Variants in OR2M2 observed in about 807,000 individuals in gnomAD.
OR2M2 encodes the protein olfactory receptor 2M2.
For synonymous variants in OR2M2, 168 were observed against 151.7 expected, an observed-to-expected ratio of 1.11 and a Z score of -0.79; for missense variants, 467 against 429.9, an observed-to-expected ratio of 1.09 and a Z score of -0.76.
intron 1 of OR2M2, among the ~76,000 whole-genome samples, chr1:248,175,219 T>G (rs2103005497): frequency 6.6e-6 from 1 of 152,266 alleles, no homozygotes; most frequent in African/African-American, 2.4e-5. Context: ...TGAACATTTT[T>G]ACCACATTCT....
At position 248,180,909 on chromosome 1, in the gene OR2M2, C is replaced by T. The variant is rs773595549; in HGVS notation, c.924C>T (p.Gly308=). Residue 308 remains glycine, a synonymous_variant, in exon 2 of 2, where the codon GGC becomes GGT. Coordinates refer to ENST00000641836, the MANE Select transcript of OR2M2 (RefSeq NM_001004688.2). ...CATTCATGAAGATCTTAGGAAAGGG[C>T]AAGTCTGAGAGTGAGTTACCTCATA... The part of the protein sequence containing the change: ...TRAFMKILGK[G]KSESELPHKL... 16 of 1,613,976 alleles carry T rather than the reference C, an allele frequency of 9.9e-6. No homozygotes were observed. The Admixed American group carries it at 2.7e-4, about 27-fold the overall frequency.
At position 248,180,498 on chromosome 1, in the gene OR2M2, T is replaced by G. The variant is rs1328024413; in HGVS notation, c.513T>G (p.Ser171=). The G allele has an allele frequency of 1.2e-6, 2 of 1,613,852 alleles. No individual in the cohort carries two copies. Among genetic ancestry groups the G allele is most frequent in the Non-Finnish European group, 1.7e-6 (2 of 1,179,874 alleles). ...CATTTTCCTTCTCCTTTTGTGGGTC[T>G]CGGGAAATAGCCCACTTCTTCTGTG... is the stretch of plus-strand genomic sequence containing the variant. The part of the protein sequence containing the change: ...VATFSFSFCG[S]REIAHFFCEF... The change falls in exon 2 of 2, where the codon TCT becomes TCG. Residue 171 remains serine, a synonymous_variant. Transcript: ENST00000641836.
At chr1:248,176,063 C>T (rs1360291862) in intron 1 of OR2M2, among the ~76,000 whole-genome samples, 6 of 152,056 alleles carry the variant, frequency 3.9e-5, no homozygotes, top group African/African-American at 1.4e-4. Flanking sequence ...TTTTTTGTTT[C>T]CTGATCATTT....
rs190773025 is a variant in OR2M2 at position 248,175,991 on chromosome 1, G to A, written c.-19+1120G>A. On this transcript the variant is annotated intron_variant, in intron 1 of 1. Transcript: ENST00000641836. ...AATTCCATTGTCAGTGCACATGCAG[G>A]TTGCCTTTTTATATTACAAGTAATG... 2.6e-5 allele frequency among the ~76,000 whole-genome samples: 4 copies of A among 152,112 alleles called. No individual in the cohort carries two copies. In the East Asian group the frequency reaches 7.7e-4, roughly 29 times the overall value.
chr1:248,179,969 T>TA lies in OR2M2; in HGVS notation c.-12dup, dbSNP rs779999518. The TA allele has an allele frequency of 1.1e-5, 17 of 1,597,864 alleles. No individual in the cohort carries two copies. The highest frequency in any genetic ancestry group is 3.4e-5 in the Admixed American group (2 of 58,812). On this transcript the variant is annotated splice_region_variant and 5_prime_UTR_variant, in exon 2 of 2. Transcript: ENST00000641836. ...AATAAGATGGTTTTGTGGTACTAGGTAAAAAGCACATTCATCATGGCATGG... is the reference window on the plus strand; with the variant it reads ...AATAAGATGGTTTTGTGGTACTAGGTAAAAAAGCACATTCATCATGGCATGG...
chr1:248,178,326 G>A (rs1665878279), intron 1 of OR2M2, among the ~76,000 whole-genome samples: 1 of 151,922 alleles, frequency 6.6e-6, no homozygotes, highest in Admixed American at 6.6e-5. Flanking sequence ...CTACTCACTA[G>A]GCATATCTTT....
In OR2M2 at chr1:248,180,519, C is replaced by T; in HGVS notation, c.534C>T (p.Phe178=). 1 of 1,613,882 alleles carries T rather than the reference C, an allele frequency of 6.2e-7. No individual in the cohort carries two copies. Among genetic ancestry groups the T allele is most frequent in the Non-Finnish European group, 8.5e-7 (1 of 1,179,830 alleles). Residue 178 remains phenylalanine (F), a synonymous_variant, in exon 2 of 2, where the codon TTC becomes TTT. Transcript: ENST00000641836. The part of the protein sequence containing the change: ...FCGSREIAHF[F]CEFPSLLILS... ...GGTCTCGGGAAATAGCCCACTTCTTCTGTGAATTCCCTTCCCTACTAATCC... is the reference window on the plus strand; with the variant it reads ...GGTCTCGGGAAATAGCCCACTTCTTTTGTGAATTCCCTTCCCTACTAATCC...
In OR2M2 at chr1:248,179,983, A is replaced by G. The variant is rs766881231; in HGVS notation, c.-3A>G. The G allele has an allele frequency of 6.2e-7, 1 of 1,607,212 alleles. No homozygotes were observed. The highest frequency in any genetic ancestry group is 1.7e-5 in the Admixed American group (1 of 59,598). On this transcript the variant is annotated 5_prime_UTR_variant, in exon 2 of 2. Coordinates refer to ENST00000641836, the MANE Select transcript of OR2M2 (RefSeq NM_001004688.2). ...GTGGTACTAGGTAAAAAGCACATTCATCATGGCATGGGAGAATCAGACCTT... is the reference window on the plus strand; with the variant it reads ...GTGGTACTAGGTAAAAAGCACATTCGTCATGGCATGGGAGAATCAGACCTT...
chr1:248,180,355 A>G lies in OR2M2; in HGVS notation c.370A>G (p.Ile124Val). Residue 124 changes from isoleucine (I) to valine (V), a missense_variant, in exon 2 of 2, where the codon ATT becomes GTT. Physicochemically the swap from Ile to Val is conservative, Grantham distance 29 (BLOSUM62 3). Transcript: ENST00000641836. ...GGCTGTTATGGCTTATGACCGCTAT[A>G]TTGCTATTTGCCACCCTCTAAGATA... ...LLAVMAYDRY[I>V]AICHPLRYTN... 2 of 1,614,026 alleles carry G rather than the reference A, an allele frequency of 1.2e-6. No homozygotes were observed. The highest frequency in any genetic ancestry group is 8.5e-7 in the Non-Finnish European group (1 of 1,179,986).
chr1:248,180,700 A>C lies in OR2M2; in HGVS notation c.715A>C (p.Thr239Pro). 1 of 1,612,834 alleles carries C rather than the reference A, an allele frequency of 6.2e-7. No homozygotes were observed. Among genetic ancestry groups the C allele is most frequent in the Admixed American group, 1.7e-5 (1 of 60,014 alleles). ...TGGAGAGGGTCGTTGCAAAGCTTTCACGACCTGTTCCTCTCACCTCATGGT... is the reference window on the plus strand; with the variant it reads ...TGGAGAGGGTCGTTGCAAAGCTTTCCCGACCTGTTCCTCTCACCTCATGGT... ...GSGEGRCKAF[T>P]TCSSHLMVVG... is the part of the protein sequence containing the mutation. The change falls in exon 2 of 2, where the codon ACG becomes CCG. Residue 239 changes from threonine to proline, a missense_variant. Transcript: ENST00000641836.
In OR2M2 at chr1:248,180,111, C is replaced by A; in HGVS notation, c.126C>A (p.Asn42Lys). ...TCTTTTTAGTGGCCTTCATGGGAAA[C>A]TCTGTCATGGTTCTCCTCATCTACC... ...LGIFLVAFMG[N>K]SVMVLLIYLD... Residue 42 changes from asparagine (N) to lysine (K), a missense_variant, in exon 2 of 2, where the codon AAC becomes AAA. Coordinates refer to ENST00000641836, the MANE Select transcript of OR2M2 (RefSeq NM_001004688.2). 1.2e-6 allele frequency: 2 copies of A among 1,614,042 alleles called. No homozygotes were observed. Among genetic ancestry groups the A allele is most frequent in the Non-Finnish European group, 8.5e-7 (1 of 1,180,008 alleles).
At position 248,180,186 on chromosome 1, in the gene OR2M2, C is replaced by A. The variant is rs940130237; in HGVS notation, c.201C>A (p.Ser67=). The change falls in exon 2 of 2, where the codon TCC becomes TCA. Residue 67 remains serine (S), a synonymous_variant. Coordinates refer to ENST00000641836, the MANE Select transcript of OR2M2 (RefSeq NM_001004688.2). Reference sequence around the variant, plus strand: ...TGTACTTCCTCCTCAGCCAACTGTCCCTCATGGACCTCATGCTCATCTGCA... The same window carrying A: ...TGTACTTCCTCCTCAGCCAACTGTCACTCATGGACCTCATGCTCATCTGCA... ...TPMYFLLSQL[S]LMDLMLICTT... 1 of 1,614,106 alleles carries A rather than the reference C, an allele frequency of 6.2e-7. No individual in the cohort carries two copies. The highest frequency in any genetic ancestry group is 8.5e-7 in the Non-Finnish European group (1 of 1,180,018).
rs760324022 is a variant in OR2M2, at chr1:248,180,411, A to T, written c.426A>T (p.Gly142=). The change falls in exon 2 of 2, where the codon GGA becomes GGT. Residue 142 remains glycine, a synonymous_variant. Coordinates refer to ENST00000641836, the MANE Select transcript of OR2M2 (RefSeq NM_001004688.2). The stretch of plus-strand genomic sequence containing the variant: ...ATCTCATGAATCCTAAAATTTGTGG[A>T]CTTATGGCTACCTTCTCCTGGATCC... ...YTNLMNPKIC[G]LMATFSWILG... 1 of 1,614,022 alleles carries T rather than the reference A, an allele frequency of 6.2e-7. No individual in the cohort carries two copies. The highest frequency in any genetic ancestry group is 8.5e-7 in the Non-Finnish European group (1 of 1,179,982).
At chr1:248,178,697 TTGAC>T (rs2103006570) in intron 1 of OR2M2, among the ~76,000 whole-genome samples, 3 of 152,332 alleles carry the variant, frequency 2.0e-5, no homozygotes, top group Non-Finnish European at 4.4e-5. Context: ...ACACCCATCT[TTGAC>T]TTACTTTTCT....
Position 248,180,410 on chromosome 1 carries a change from G to T in OR2M2, c.425G>T (p.Gly142Val). The T allele has an allele frequency of 6.2e-7, 1 of 1,613,912 alleles. No homozygotes were observed. The highest frequency in any genetic ancestry group is 1.1e-5 in the South Asian group (1 of 91,070). Reference protein sequence around the residue: ...YTNLMNPKICGLMATFSWILG... With the variant: ...YTNLMNPKICVLMATFSWILG... ...AATCTCATGAATCCTAAAATTTGTG[G>T]ACTTATGGCTACCTTCTCCTGGATC... Residue 142 changes from glycine to valine, a missense_variant, in exon 2 of 2, where the codon GGA (glycine) becomes GTA (valine). Gly to Val is a moderately radical substitution (Grantham distance 109, BLOSUM62 -3). Coordinates refer to ENST00000641836, the MANE Select transcript of OR2M2 (RefSeq NM_001004688.2).
At position 248,179,700 on chromosome 1, in the gene OR2M2, G is replaced by A. The variant is rs183115601; in HGVS notation, c.-18-268G>A. On this transcript the variant is annotated intron_variant, in intron 1 of 1. Coordinates refer to ENST00000641836, the MANE Select transcript of OR2M2 (RefSeq NM_001004688.2). ...AGACATATTCTTTTTGGAAAACTCC[G>A]TCAATCATTTATTAGATATTTTTAT... 3.7e-4 allele frequency among the ~76,000 whole-genome samples: 56 copies of A among 152,238 alleles called. 1 individual carries two copies. The South Asian group carries it at 6.8e-3, about 19-fold the overall frequency.
At chr1:248,179,249 T>A (rs2038847248) in intron 1 of OR2M2, among the ~76,000 whole-genome samples, 1 of 152,164 alleles carries the variant, frequency 6.6e-6, no homozygotes, top group South Asian at 2.1e-4. Context: ...CATATTGCAT[T>A]AGAGAGACCC....
chr1:248,178,727 T>C (rs1170129411), intron 1 of OR2M2, among the ~76,000 whole-genome samples: 1 of 152,188 alleles, frequency 6.6e-6, no homozygotes, highest in East Asian at 1.9e-4. Context: ...ACATTTATCC[T>C]TTTATGATAT....
In OR2M2 at chr1:248,180,329, T is replaced by A. The variant is rs753353772; in HGVS notation, c.344T>A (p.Leu115Ter). 4.3e-6 allele frequency: 7 copies of A among 1,614,070 alleles called. No individual in the cohort carries two copies. The Admixed American group carries it at 5.0e-5, about 12-fold the overall frequency. Residue 115 changes from leucine (L) to a stop codon, truncating the protein, a stop_gained, in exon 2 of 2, where the codon TTG becomes TAG. Transcript: ENST00000641836. LOFTEE classifies it low-confidence loss of function (END_TRUNC). ...CTGTCTGGCTCTGAATGTTTTCTTT[T>A]GGCTGTTATGGCTTATGACCGCTAT... ...ISLSGSECFL[L>*]AVMAYDRYIA... is the part of the protein sequence containing the mutation.
Sources: gnomAD v4.1 joint callset for allele counts (sites outside exome capture counted in the v4.1 genomes callset) on GRCh38, gnomAD v4.1.1 for gene constraint, MANE v1.5 for transcripts, NCBI Gene and HGNC (gene_info 2026-07-23, HGNC 2026-07-21) for gene names.